The following CFAP58 variants were observed in gnomAD, a reference collection of about 807,000 sequenced individuals.
CFAP58 encodes the protein cilia and flagella associated protein 58.
A neutral mutation model predicts 119.5 loss-of-function variants in CFAP58; 88 were observed. The ratio of observed to expected loss-of-function variants is 0.74; its 90% CI spans 0.62 to 0.88. CFAP58 has a LOEUF of 0.88. Among genes scored for constraint, CFAP58 ranks in the 40% least tolerant of loss-of-function variants. The probability of loss-of-function intolerance (pLI) is 0.00; values close to 1 mark genes in which losing one functional copy is unlikely to be tolerated. For missense variants in CFAP58, 990 were observed against 1,021.2 expected (o/e 0.97, Z 0.42); for synonymous variants, 365 against 366.3 (o/e 1.00, Z 0.04).
chr10:104,339,395 A>G, the CFAP58 span, among the ~76,000 whole-genome samples: 1 of 152,196 alleles, frequency 6.6e-6, no homozygotes, highest in East Asian at 1.9e-4. Context: ...TTAATAGTTT[A>G]TGAAATCCAT....
intron 10 of CFAP58, 94 bp from the exon 11 acceptor site, chr10:104,393,235 A>T: frequency 3.6e-6 from 4 of 1,112,778 alleles, no homozygotes; most frequent in Middle Eastern, 3.0e-4. Flanking sequence ...GTTTTGAGAG[A>T]GCGTCCCTTA....
upstream of CFAP58, among the ~76,000 whole-genome samples, chr10:104,350,754 T>C (rs986831943): frequency 2.6e-5 from 4 of 152,238 alleles, no homozygotes; most frequent in Admixed American, 2.6e-4. Flanking sequence ...TTTCCCCTAA[T>C]ACAGATTGTG....
chr10:104,349,484 A>G (rs1236794809), upstream of CFAP58, among the ~76,000 whole-genome samples: 7 of 152,184 alleles, frequency 4.6e-5, no homozygotes, highest in African/African-American at 1.7e-4. Context: ...TAAGGATACC[A>G]GTCTGATCGG....
intron 3 of CFAP58, among the ~76,000 whole-genome samples, chr10:104,362,690 A>G (rs1033490189): frequency 6.6e-6 from 1 of 152,156 alleles, no homozygotes; most frequent in Non-Finnish European, 1.5e-5. Flanking sequence ...CAGGCCTCCT[A>G]TTCTCTGCCA....
At chr10:104,370,847 G>T in intron 6 of CFAP58, 48 bp from the exon 7 acceptor site, 1 of 1,542,672 alleles carries the variant, frequency 6.5e-7, no homozygotes, top group South Asian at 1.2e-5. Flanking sequence ...CCAGTTCCTG[G>T]CTCTTCATTT....
At chr10:104,399,175 AGT>A (rs35611566) in intron 11 of CFAP58, among the ~76,000 whole-genome samples, 183 bp from the exon 12 acceptor site, 6,595 of 148,892 alleles carry the variant, frequency 0.044, 359 homozygotes, top group East Asian at 0.15. Context: ...TTTCTTTATG[AGT>A]GTGTGTGTGT....
upstream of CFAP58, among the ~76,000 whole-genome samples, chr10:104,350,580 T>C (rs538119679): frequency 6.6e-6 from 1 of 152,360 alleles, no homozygotes; most frequent in Admixed American, 6.5e-5. Context: ...TGTGGTTCTT[T>C]GATTGCTCAG....
At chr10:104,397,220 T>G (rs985654543) in intron 11 of CFAP58, among the ~76,000 whole-genome samples, 20 of 152,198 alleles carry the variant, frequency 1.3e-4, no homozygotes, top group Admixed American at 1.1e-3. Context: ...TGCTGTCACC[T>G]TAAATGATTA....
intron 1 of CFAP58, among the ~76,000 whole-genome samples, chr10:104,357,840 C>CATATGTACACATATATACACAT (rs1564875481): frequency 4.2e-5 from 3 of 71,122 alleles, no homozygotes; most frequent in Non-Finnish European, 9.3e-5. Context: ...TATATGTACA[C>CATATGTACACATATATACACAT]ATATGTACAC....
the CFAP58 span, among the ~76,000 whole-genome samples, chr10:104,344,599 T>G: frequency 1.3e-5 from 2 of 150,984 alleles, no homozygotes; most frequent in African/African-American, 5.0e-5. Context: ...CAGAAAATAT[T>G]TCTTAATGTG....
intron 15 of CFAP58, among the ~76,000 whole-genome samples, chr10:104,420,269 A>C (rs1214828020): frequency 6.6e-6 from 1 of 152,190 alleles, no homozygotes; most frequent in Non-Finnish European, 1.5e-5. Flanking sequence ...AGTTCTCTCT[A>C]AATGTGCCAG....
At position 104,406,786 on chromosome 10, in the gene CFAP58, T is replaced by C; in HGVS notation, c.2249T>C (p.Leu750Pro). The change falls in exon 15 of 18, where the codon CTC becomes CCC. Residue 750 changes from leucine (L) to proline (P), a missense_variant. Physicochemically the swap from Leu to Pro is moderately conservative, Grantham distance 98 (BLOSUM62 -3). Coordinates refer to ENST00000369704, the MANE Select transcript of CFAP58 (RefSeq NM_001008723.2). Reference sequence around the variant, plus strand: ...GAAGAGGTGGTTGAAAAAGAGCTGCTCCTCCAGGTAGCATTTTTGTTTTCT... The same window carrying C: ...GAAGAGGTGGTTGAAAAAGAGCTGCCCCTCCAGGTAGCATTTTTGTTTTCT... ...KTEEVVEKEL[L>P]LQEKEKLYME... 6.2e-7 allele frequency: 1 copy of C among 1,613,896 alleles called. No homozygotes were observed. The highest frequency in any genetic ancestry group is 8.5e-7 in the Non-Finnish European group (1 of 1,179,746).
intron 9 of CFAP58, among the ~76,000 whole-genome samples, chr10:104,384,836 CAGG>C (rs1300635989): frequency 2.6e-5 from 4 of 151,958 alleles, no homozygotes; most frequent in Non-Finnish European, 5.9e-5. Context: ...AGAAAAGTAA[CAGG>C]AAGTGGGAAA....
intron 15 of CFAP58, among the ~76,000 whole-genome samples, chr10:104,419,317 CA>C (rs1427401635): frequency 6.6e-6 from 1 of 152,106 alleles, no homozygotes; most frequent in Admixed American, 6.5e-5. Context: ...AGGGTGGGTT[CA>C]GGTCACACTA....
intron 13 of CFAP58, 55 bp from the exon 14 acceptor site, chr10:104,403,674 T>C: frequency 8.5e-7 from 1 of 1,176,428 alleles, no homozygotes; most frequent in Non-Finnish European, 1.2e-6. Flanking sequence ...TAAAGATAGA[T>C]AGGATATTCA....
chr10:104,364,854 C>T lies in CFAP58; in HGVS notation c.562C>T (p.Arg188Ter), dbSNP rs199948952. 8.6e-5 allele frequency: 138 copies of T among 1,610,954 alleles called. No homozygotes were observed. In the South Asian group the frequency reaches 9.6e-4, roughly 11 times the overall value. The change falls in exon 4 of 18, where the codon CGA (arginine) becomes TGA (stop). Residue 188 changes from arginine to a stop codon, truncating the protein, a stop_gained. Transcript: ENST00000369704. LOFTEE classifies it high-confidence loss of function. ...CACTGAACAGCAGCAGGAAACAGAG[C>T]GATCAAAAGAGGAGGCTGAACATGC... ...QTTEQQQETE[R>*]SKEEAEHAIS...
At chr10:104,451,910 T>TC (rs2013200853) in intron 17 of CFAP58, among the ~76,000 whole-genome samples, 1 of 151,400 alleles carries the variant, frequency 6.6e-6, no homozygotes, top group African/African-American at 2.4e-5. Flanking sequence ...TTTTTTTTTT[T>TC]GTATTTTTAG....
At chr10:104,447,588 C>G (rs947383467) in intron 15 of CFAP58, 110 bp from the exon 16 acceptor site, 3 of 1,285,054 alleles carry the variant, frequency 2.3e-6, no homozygotes, top group East Asian at 2.3e-5. Context: ...CACTGTGGAG[C>G]TGTGAAGTAG....
chr10:104,451,808 T>C (rs1037018108), intron 17 of CFAP58, among the ~76,000 whole-genome samples: 1 of 152,196 alleles, frequency 6.6e-6, no homozygotes, highest in Non-Finnish European at 1.5e-5. Flanking sequence ...CCATCTTGGC[T>C]CACTCTGTCT....
Sources: gnomAD v4.1 joint callset for allele counts (sites outside exome capture counted in the v4.1 genomes callset) on GRCh38, gnomAD v4.1.1 for gene constraint, MANE v1.5 for transcripts, NCBI Gene and HGNC (gene_info 2026-07-23, HGNC 2026-07-21) for gene names.